Variants in ELP3 observed in about 807,000 individuals in gnomAD.
ELP3 encodes the protein elongator acetyltransferase complex subunit 3, also known as elongator complex protein 3.
Under a neutral mutation model 74.9 loss-of-function variants are expected in ELP3, and 56 were observed. The observed-to-expected ratio is 0.75, with a 90% CI of 0.60 to 0.93. The LOEUF is 0.93. ELP3 is among the 40% of genes least tolerant of loss of function. The probability of loss-of-function intolerance (pLI) is 0.00; values close to 1 mark genes in which losing one functional copy is unlikely to be tolerated. For synonymous variants in ELP3, 222 were observed against 239.8 expected (o/e 0.93, Z 0.68); for missense variants, 573 against 686.5 (o/e 0.83, Z 1.85).
At chr8:28,154,500 T>C (rs1298522077) in intron 10 of ELP3, among the ~76,000 whole-genome samples, 1 of 152,182 alleles carries the variant, frequency 6.6e-6, no homozygotes, top group Non-Finnish European at 1.5e-5. Flanking sequence ...ATGAGATGTA[T>C]AGCCATATAT....
chr8:28,091,730 T>C (rs1811059966), upstream of ELP3, among the ~76,000 whole-genome samples: 1 of 152,312 alleles, frequency 6.6e-6, no homozygotes, highest in South Asian at 2.1e-4. Context: ...CCAAACAGTG[T>C]CTGAGACAGG....
At chr8:28,119,910 A>AT (rs145811012) in intron 7 of ELP3, among the ~76,000 whole-genome samples, 1 of 152,116 alleles carries the variant, frequency 6.6e-6, no homozygotes, top group East Asian at 1.9e-4. Flanking sequence ...AGATTTATCC[A>AT]TGTGTTGGGT....
At chr8:28,160,819 C>G (rs1271008441) in intron 13 of ELP3, among the ~76,000 whole-genome samples, 1 of 152,006 alleles carries the variant, frequency 6.6e-6, no homozygotes, top group African/African-American at 2.4e-5. Context: ...CTCAGCCTCC[C>G]TAGTAGCTGG....
At chr8:28,109,171 A>G (rs915567829) in intron 5 of ELP3, among the ~76,000 whole-genome samples, 2 of 152,140 alleles carry the variant, frequency 1.3e-5, no homozygotes, top group Admixed American at 6.5e-5. Context: ...ATACAATCCA[A>G]TTTAGGTTTT....
At chr8:28,102,735 A>G (rs754937218) in intron 3 of ELP3, among the ~76,000 whole-genome samples, 31 of 152,236 alleles carry the variant, frequency 2.0e-4, no homozygotes, top group Non-Finnish European at 3.4e-4. Context: ...TGATGAACCA[A>G]TATTGTTGCA....
chr8:28,116,448 C>A (rs1478118075), intron 7 of ELP3, among the ~76,000 whole-genome samples: 1 of 152,172 alleles, frequency 6.6e-6, no homozygotes, highest in Non-Finnish European at 1.5e-5. Flanking sequence ...TCGTTCAAAA[C>A]TGATCAAGAG....
upstream of ELP3, among the ~76,000 whole-genome samples, chr8:28,091,841 G>T (rs1299450243): frequency 6.6e-6 from 1 of 152,204 alleles, no homozygotes; most frequent in African/African-American, 2.4e-5. Flanking sequence ...TCCAAAGAGG[G>T]TTTTGAGGAC....
At chr8:28,093,060 T>C, upstream of ELP3, 1 of 1,258,178 alleles carries the variant, frequency 7.9e-7, no homozygotes. Flanking sequence ...GGGCGGGGCG[T>C]GGCTTTGTGC....
Position 28,093,212 on chromosome 8 carries a change from G to T in ELP3, c.-3G>T. 6.2e-7 allele frequency: 1 copy of T among 1,613,214 alleles called. No individual in the cohort carries two copies. Among genetic ancestry groups the T allele is most frequent in the Non-Finnish European group, 8.5e-7 (1 of 1,179,884 alleles). On this transcript the variant is annotated 5_prime_UTR_variant, in exon 1 of 15. Transcript: ENST00000256398. ...CTGGTGGCTCTGCTACGGCGGCGCA[G>T]AAATGAGGCAGAAGCGGAAAGGTGC... is the stretch of plus-strand genomic sequence containing the variant.
intron 10 of ELP3, among the ~76,000 whole-genome samples, chr8:28,144,773 T>G (rs1347591649): frequency 6.6e-6 from 1 of 152,248 alleles, no homozygotes; most frequent in Non-Finnish European, 1.5e-5. Flanking sequence ...GCGTGGTGGC[T>G]CACGCCTGTT....
At chr8:28,095,240 C>T (rs919421789) in intron 1 of ELP3, among the ~76,000 whole-genome samples, 1 of 152,212 alleles carries the variant, frequency 6.6e-6, no homozygotes. Context: ...TTTTCCTACT[C>T]ATTTACTCTT....
In ELP3 at chr8:28,167,272, C is replaced by G. The variant is rs150637520; in HGVS notation, c.1567+5194C>G. Among the ~76,000 whole-genome samples the G allele has an allele frequency of 2.5e-4, 38 of 152,270 alleles. No homozygotes were observed. The East Asian group carries it at 6.8e-3, about 27-fold the overall frequency. On this transcript the variant is annotated intron_variant, in intron 14 of 14. Transcript: ENST00000256398. ...GGTCAGAAAATAAGTGTACCTGCGC[C>G]TTATACAATCCAATATGGCTTTCTA...
At chr8:28,168,866 T>C (rs987799798) in intron 14 of ELP3, among the ~76,000 whole-genome samples, 1 of 152,236 alleles carries the variant, frequency 6.6e-6, no homozygotes, top group Non-Finnish European at 1.5e-5. Context: ...AGGTTATTCT[T>C]TGGGTGAACA....
At chr8:28,155,885 C>T in intron 10 of ELP3, 57 bp from the exon 11 acceptor site, 2 of 1,387,136 alleles carry the variant, frequency 1.4e-6, no homozygotes, top group Non-Finnish European at 2.0e-6. Flanking sequence ...CCTTGCCTTA[C>T]TGCTGTGGAG....
At chr8:28,132,169 G>A in intron 8 of ELP3, 109 bp from the exon 9 acceptor site, 1 of 1,194,506 alleles carries the variant, frequency 8.4e-7, no homozygotes, top group Non-Finnish European at 1.2e-6. Flanking sequence ...CTGTCTCAGA[G>A]ATTGTTTTCC....
chr8:28,132,092 T>TA (rs1812804612), intron 8 of ELP3, among the ~76,000 whole-genome samples, 186 bp from the exon 9 acceptor site: 1 of 152,172 alleles, frequency 6.6e-6, no homozygotes, highest in Admixed American at 6.5e-5. Flanking sequence ...GGTGGGGATG[T>TA]AAAAAATGAC....
chr8:28,162,177 T>G, intron 14 of ELP3, 99 bp downstream of exon 14: 1 of 1,244,078 alleles, frequency 8.0e-7, no homozygotes, highest in Non-Finnish European at 1.2e-6. Context: ...TTGATGGTTA[T>G]TACGTTCAAA....
At chr8:28,108,133 A>G (rs900957723) in intron 5 of ELP3, among the ~76,000 whole-genome samples, 157 bp downstream of exon 5, 7 of 152,202 alleles carry the variant, frequency 4.6e-5, no homozygotes, top group Non-Finnish European at 8.8e-5. Context: ...GCCAGTGTCT[A>G]CTAGTGCCCT....
At chr8:28,135,440 C>T (rs1187815190) in intron 9 of ELP3, among the ~76,000 whole-genome samples, 2 of 152,186 alleles carry the variant, frequency 1.3e-5, no homozygotes, top group Admixed American at 6.5e-5. Context: ...CTGCTTTGGG[C>T]TGAGTGGCCT....
Sources: gnomAD v4.1 joint callset for allele counts (sites outside exome capture counted in the v4.1 genomes callset) on GRCh38, gnomAD v4.1.1 for gene constraint, MANE v1.5 for transcripts, NCBI Gene and HGNC (gene_info 2026-07-23, HGNC 2026-07-21) for gene names.